Variants in MYOM2 observed in about 807,000 individuals in gnomAD.
MYOM2 encodes myomesin 2, also known as myomesin-2.
Under a neutral mutation model 187.6 loss-of-function variants are expected in MYOM2, and 254 were observed. The observed-to-expected ratio is 1.35, with a 90% confidence interval of 1.22 to 1.50. MYOM2 has a LOEUF of 1.50. MYOM2 is among the 40% of genes most tolerant of loss of function. MYOM2 has a pLI of 0.00. For missense variants in MYOM2, 2,796 were observed against 1,924.0 expected (o/e 1.45, Z -8.48); for synonymous variants, 981 against 753.8 (o/e 1.30, Z -4.94).
rs1045748450 is a variant in MYOM2 at position 2,145,057 on chromosome 8, C to A, written c.*76C>A. The stretch of plus-strand genomic sequence containing the variant: ...ATGCTGTGTGCTTGTTCCAAATGAG[C>A]AGCTGGCATCCGAGTGGTGTCCTGT... On this transcript the variant is annotated 3_prime_UTR_variant, in exon 37 of 37. Coordinates refer to ENST00000262113, the MANE Select transcript of MYOM2 (RefSeq NM_003970.4). 6.6e-7 allele frequency: 1 copy of A among 1,510,288 alleles called. No individual in the cohort carries two copies. Among genetic ancestry groups the A allele is most frequent in the Non-Finnish European group, 9.0e-7 (1 of 1,109,590 alleles). 93.6% of individuals were successfully genotyped at this position (1,510,288 alleles called of 1,614,324 possible).
At chr8:2,099,022 C>G (rs756829377) in intron 19 of MYOM2, 39 bp downstream of exon 19, 2 of 1,564,200 alleles carry the variant, frequency 1.3e-6, no homozygotes, top group Admixed American at 1.8e-5. Context: ...TTCCAGCGCA[C>G]AGGCTGGCTG....
At chr8:2,086,343 G>A (rs1432549592) in intron 14 of MYOM2, among the ~76,000 whole-genome samples, 1,099 of 47,266 alleles carry the variant, frequency 0.023, 279 homozygotes, top group Admixed American at 0.034. Context: ...CCCCACTGTT[G>A]TGATCTCTGC....
chr8:2,057,515 C>T lies in MYOM2; in HGVS notation c.402+29C>T, dbSNP rs367661391. ...GGAGGGTCTCAGGGTGGCTGGGTGT[C>T]TGGGAAGCGTGGACTAGATCTTAGC... On this transcript the variant is annotated intron_variant, in intron 4 of 36. Coordinates refer to ENST00000262113, the MANE Select transcript of MYOM2 (RefSeq NM_003970.4). 336 of 1,613,666 alleles carry T rather than the reference C, an allele frequency of 2.1e-4. 4 individuals carry two copies. In the South Asian group the frequency reaches 2.6e-3, roughly 13 times the overall value.
intron 17 of MYOM2, 139 bp downstream of exon 17, chr8:2,094,230 C>T (rs1045170759): frequency 9.0e-7 from 1 of 1,105,478 alleles, no homozygotes; most frequent in Non-Finnish European, 1.3e-6. Context: ...ACTTGAGTTT[C>T]TTTGAAGCCT....
In MYOM2 at chr8:2,072,506, G is replaced by A. The variant is rs148556846; in HGVS notation, c.955G>A (p.Asp319Asn). The A allele has an allele frequency of 9.3e-6, 15 of 1,612,852 alleles. 1 individual carries two copies. Among genetic ancestry groups the A allele is most frequent in the South Asian group, 4.4e-5 (4 of 91,062 alleles). Residue 319 changes from aspartate (D) to asparagine (N), a missense_variant, in exon 9 of 37, where the codon GAT becomes AAT. Coordinates refer to ENST00000262113, the MANE Select transcript of MYOM2 (RefSeq NM_003970.4). ...GCAGCCGCGCGCCGAGTGGTACCGC[G>A]ATGGTGAGTAGGACACGGCCCAGAC... The part of the protein sequence containing the change: ...RVQPRAEWYR[D>N]DVLLKESKWT...
At chr8:2,077,619 AAAAC>A (rs768150880) in intron 11 of MYOM2, among the ~76,000 whole-genome samples, 1 of 152,334 alleles carries the variant, frequency 6.6e-6, no homozygotes, top group East Asian at 1.9e-4. Flanking sequence ...TACAGCAAGA[AAAAC>A]AAACCCTCAA....
chr8:2,096,266 T>C lies in MYOM2; in HGVS notation c.2145T>C (p.Tyr715=), dbSNP rs529898433. ...QAALTVPSHP[Y]GITLLNCDGH... ...TTGCAGCCGTCCCGTCCCATCCTTA[T>C]GGGATTACGCTCCTCAACTGTGACG... Residue 715 remains tyrosine (Y), a synonymous_variant, in exon 18 of 37, where the codon TAT becomes TAC. Coordinates refer to ENST00000262113, the MANE Select transcript of MYOM2 (RefSeq NM_003970.4). The C allele has an allele frequency of 1.9e-5, 31 of 1,614,094 alleles. 1 individual carries two copies. In the Middle Eastern group the frequency reaches 5.0e-4, roughly 26 times the overall value.
chr8:2,049,440 A>G (rs756707150), intron 1 of MYOM2, among the ~76,000 whole-genome samples: 42 of 152,204 alleles, frequency 2.8e-4, no homozygotes, highest in Non-Finnish European at 5.4e-4. Context: ...TTCAAAGGAA[A>G]CAGCTCATAA....
rs3817701 is a variant in MYOM2 at position 2,076,534 on chromosome 8, A to G, written c.1262+252A>G. On this transcript the variant is annotated intron_variant, in intron 11 of 36. Coordinates refer to ENST00000262113, the MANE Select transcript of MYOM2 (RefSeq NM_003970.4). ...AGGCTCGTTTGCCTGTTGCACACCC[A>G]GTAACCAATCCCACCAACGTCTTCA... 1.2e-3 allele frequency: 581 copies of G among 492,096 alleles called. 4 individuals carry two copies. In the East Asian group the frequency reaches 0.019, roughly 16 times the overall value. 30.5% of individuals were successfully genotyped at this position (492,096 alleles called of 1,614,324 possible).
chr8:2,088,994 C>G (rs1796193357), intron 14 of MYOM2, among the ~76,000 whole-genome samples: 1 of 152,040 alleles, frequency 6.6e-6, no homozygotes, highest in Non-Finnish European at 1.5e-5. Context: ...CCATGACGCC[C>G]TGGGGGCTCC....
intron 15 of MYOM2, among the ~76,000 whole-genome samples, chr8:2,091,139 T>C (rs1163313183): frequency 6.6e-6 from 1 of 151,348 alleles, no homozygotes; most frequent in Non-Finnish European, 1.5e-5. Flanking sequence ...ATGGTCACTT[T>C]TAAAGTAATT....
intron 1 of MYOM2, among the ~76,000 whole-genome samples, chr8:2,048,602 C>G (rs1818382978): frequency 6.6e-6 from 1 of 152,206 alleles, no homozygotes; most frequent in South Asian, 2.1e-4. Flanking sequence ...ATATGGAACG[C>G]CAGAGCTAGA....
Position 2,092,335 on chromosome 8 carries a change from C to G in MYOM2, c.1829-11C>G. 1 of 1,612,994 alleles carries G rather than the reference C, an allele frequency of 6.2e-7. No individual in the cohort carries two copies. The highest frequency in any genetic ancestry group is 8.5e-7 in the Non-Finnish European group (1 of 1,179,480). On this transcript the variant is annotated splice_polypyrimidine_tract_variant and intron_variant, in intron 15 of 36. Coordinates refer to ENST00000262113, the MANE Select transcript of MYOM2 (RefSeq NM_003970.4). The stretch of plus-strand genomic sequence containing the variant: ...TGCCATTTCACCACTCCTTTTGTCT[C>G]CTACGAAAAGTTGTCCCTTCTGCTC...
chr8:2,114,341 C>T (rs1377581138), intron 25 of MYOM2, among the ~76,000 whole-genome samples: 1 of 152,208 alleles, frequency 6.6e-6, no homozygotes, highest in African/African-American at 2.4e-5. Context: ...AAGTAGTGTT[C>T]TCAGACCAAC....
In MYOM2 at chr8:2,057,423, G is replaced by C; in HGVS notation, c.339G>C (p.Glu113Asp). The C allele has an allele frequency of 6.2e-7, 1 of 1,614,026 alleles. No homozygotes were observed. The highest frequency in any genetic ancestry group is 8.5e-7 in the Non-Finnish European group (1 of 1,179,982). Reference sequence around the variant, plus strand: ...TCAGCGAGCTGGCCCACTTGGAGGAGGATGTCCACCTGGCACGCTCCCAGG... The same window carrying C: ...TCAGCGAGCTGGCCCACTTGGAGGACGATGTCCACCTGGCACGCTCCCAGG... The part of the protein sequence containing the change: ...RFLSELAHLE[E>D]DVHLARSQAR... The change falls in exon 4 of 37, where the codon GAG (glutamate) becomes GAC (aspartate). Residue 113 changes from glutamate (E) to aspartate (D), a missense_variant. By Grantham distance (45) the Glu-to-Asp change is conservative (BLOSUM62 2). Coordinates refer to ENST00000262113, the MANE Select transcript of MYOM2 (RefSeq NM_003970.4).
At chr8:2,111,764 C>G (rs1797075364) in intron 25 of MYOM2, among the ~76,000 whole-genome samples, 1 of 152,176 alleles carries the variant, frequency 6.6e-6, no homozygotes, top group African/African-American at 2.4e-5. Flanking sequence ...AATAATCTCC[C>G]TCCCTCAAAA....
intron 6 of MYOM2, among the ~76,000 whole-genome samples, chr8:2,059,865 C>A (rs1365113463): frequency 1.3e-5 from 2 of 151,748 alleles, no homozygotes; most frequent in African/African-American, 4.8e-5. Flanking sequence ...GCCTCAGCCT[C>A]CCCAGTAGTG....
rs1247900917 is a variant in MYOM2, at chr8:2,143,468, A to G, written c.4080+12A>G. ...TCATGGAAGGGAAGGTGAGGATTCT[A>G]AACTCGGCCGGGGTGGGGGTGTCAG... On this transcript the variant is annotated intron_variant, in intron 36 of 36. Coordinates refer to ENST00000262113, the MANE Select transcript of MYOM2 (RefSeq NM_003970.4). 1 of 1,613,912 alleles carries G rather than the reference A, an allele frequency of 6.2e-7. No homozygotes were observed. Among genetic ancestry groups the G allele is most frequent in the Non-Finnish European group, 8.5e-7 (1 of 1,179,990 alleles).
chr8:2,116,040 C>A lies in MYOM2; in HGVS notation c.3261C>A (p.Thr1087=). Residue 1087 remains threonine (T), a synonymous_variant, in exon 26 of 37, where the codon ACC becomes ACA. Transcript: ENST00000262113. ...MDRFSIENEG[T]YTVQIHDGKA... ...GATTTAGTATTGAAAATGAGGGGAC[C>A]TACACTGTGCAGATTCATGATGGGA... is the stretch of plus-strand genomic sequence containing the variant. 2.5e-6 allele frequency: 4 copies of A among 1,613,984 alleles called. No homozygotes were observed. The highest frequency in any genetic ancestry group is 2.2e-5 in the South Asian group (2 of 91,044).
Sources: gnomAD v4.1 joint callset for allele counts (sites outside exome capture counted in the v4.1 genomes callset) on GRCh38, gnomAD v4.1.1 for gene constraint, MANE v1.5 for transcripts, NCBI Gene and HGNC (gene_info 2026-07-23, HGNC 2026-07-21) for gene names.